CRISPLD2: variants seen among roughly 807,000 people sequenced by gnomAD.
CRISPLD2 encodes cysteine rich secretory protein LCCL domain containing 2, also known as cysteine-rich secretory protein LCCL domain-containing 2.
A neutral mutation model predicts 71.1 loss-of-function variants in CRISPLD2; 47 were observed. The ratio of observed to expected loss-of-function variants is 0.66; its 90% CI spans 0.52 to 0.84. CRISPLD2 has a LOEUF of 0.84. CRISPLD2 is among the 40% of genes least tolerant of loss of function. CRISPLD2 has a pLI of 0.00. For synonymous variants in CRISPLD2, 317 were observed against 250.1 expected, an observed-to-expected ratio of 1.27 and a Z score of -2.52; for missense variants, 830 against 651.1, an observed-to-expected ratio of 1.27 and a Z score of -2.99.
At position 84,849,262 on chromosome 16, in the gene CRISPLD2, C is replaced by T; in HGVS notation, c.360-123C>T. On this transcript the variant is annotated intron_variant, in intron 3 of 14. Transcript: ENST00000262424. ...CCCTCCCGGCTGCCCGTGGCTGCTC[C>T]TGGAATTGGCCGCTATTCACCCTCC... 7.1e-6 allele frequency: 7 copies of T among 982,638 alleles called. No homozygotes were observed. The South Asian group carries it at 1.3e-4, about 18-fold the overall frequency. The allele number at this position is 982,638 out of a possible 1,614,324, so 60.9% of individuals were successfully genotyped here. A position where few individuals can be genotyped will look rare whatever the true frequency, so the allele number is the denominator to read the frequency against.
chr16:84,863,055 C>G (rs9938473), intron 6 of CRISPLD2: 1 of 151,980 alleles, frequency 6.6e-6, no homozygotes, highest in Non-Finnish European at 1.5e-5. Context: ...GACTTCACAG[C>G]CAGACAGTGC....
chr16:84,856,962 G>A (rs1177097105), intron 6 of CRISPLD2, among the ~76,000 whole-genome samples: 2 of 152,234 alleles, frequency 1.3e-5, no homozygotes, highest in African/African-American at 2.4e-5. Context: ...CGCAAAATGG[G>A]TAAACCTGTA....
At chr16:84,894,545 C>T (rs1230008821) in intron 14 of CRISPLD2, among the ~76,000 whole-genome samples, 1 of 152,146 alleles carries the variant, frequency 6.6e-6, no homozygotes, top group African/African-American at 2.4e-5. Context: ...AATCCCTGTC[C>T]TCATAGGGGT....
intron 13 of CRISPLD2, among the ~76,000 whole-genome samples, chr16:84,885,086 A>C (rs1567701185): frequency 6.6e-6 from 1 of 152,228 alleles, no homozygotes; most frequent in Non-Finnish European, 1.5e-5. Context: ...CTCTGGCTCC[A>C]ATCAACCATT....
rs1025784288 is a variant in CRISPLD2 at position 84,895,196 on chromosome 16, A to C, written c.1439+5833A>C. Among the ~76,000 whole-genome samples the C allele has an allele frequency of 2.6e-5, 4 of 152,292 alleles. No homozygotes were observed. The South Asian group carries it at 6.2e-4, about 24-fold the overall frequency. ...TCAGTAAAGGAAGGGAAGCACAGAG[A>C]GGTTAAACGACTTGCCCAAGGTCAC... On this transcript the variant is annotated intron_variant, in intron 14 of 14. Transcript: ENST00000262424.
chr16:84,889,560 T>C (rs1597481506), intron 14 of CRISPLD2, among the ~76,000 whole-genome samples, 197 bp downstream of exon 14: 1 of 149,714 alleles, frequency 6.7e-6, no homozygotes, highest in Non-Finnish European at 1.5e-5. Context: ...GGAATGCTTT[T>C]CCCTACTATC....
intron 3 of CRISPLD2, among the ~76,000 whole-genome samples, chr16:84,847,724 C>G (rs1916954514): frequency 6.6e-6 from 1 of 152,154 alleles, no homozygotes; most frequent in African/African-American, 2.4e-5. Context: ...TTCCACTAGC[C>G]TGGTTCGGCT....
Position 84,883,149 on chromosome 16 carries a change from AGAGGGAAG to A in CRISPLD2, c.1305+2576_1305+2583del, listed in dbSNP as rs993806429. ...AAAAAAATAAAGAATGAAGGAGGGA[AGAGGGAAG>A]GAGGGAAGGAAGAAAGCCACCTCCG... is the stretch of plus-strand genomic sequence containing the variant. On this transcript the variant is annotated intron_variant, in intron 13 of 14. Transcript: ENST00000262424. Among the ~76,000 whole-genome samples, 15 of 152,206 alleles carry A rather than the reference AGAGGGAAG, an allele frequency of 9.9e-5. 1 individual carries two copies. Among genetic ancestry groups the A allele is most frequent in the African/African-American group, 3.4e-4 (14 of 41,456 alleles).
chr16:84,847,438 T>C (rs796456506), intron 3 of CRISPLD2, among the ~76,000 whole-genome samples: 19 of 152,246 alleles, frequency 1.2e-4, no homozygotes, highest in African/African-American at 4.6e-4. Flanking sequence ...GAATACAAGG[T>C]CAGGAGTTCA....
chr16:84,843,350 C>G (rs1597453171), intron 2 of CRISPLD2, among the ~76,000 whole-genome samples: 1 of 152,218 alleles, frequency 6.6e-6, no homozygotes, highest in South Asian at 2.1e-4. Flanking sequence ...AACGTGGCTT[C>G]CTGCTCAACC....
At chr16:84,839,323 G>T (rs116292349) in intron 2 of CRISPLD2, 180 of 256,404 alleles carry the variant, frequency 7.0e-4, no homozygotes, top group African/African-American at 3.9e-3. Flanking sequence ...GAGGCAGAGT[G>T]GGGAGGGGCC....
intron 2 of CRISPLD2, among the ~76,000 whole-genome samples, chr16:84,841,518 G>C (rs1484485644): frequency 6.6e-6 from 1 of 151,752 alleles, no homozygotes; most frequent in Non-Finnish European, 1.5e-5. Context: ...ATAGAGTTTT[G>C]GTATTGCTGA....
At chr16:84,897,439 A>G (rs1004646013) in intron 14 of CRISPLD2, among the ~76,000 whole-genome samples, 1 of 152,192 alleles carries the variant, frequency 6.6e-6, no homozygotes, top group Non-Finnish European at 1.5e-5. Context: ...TCGGTGACAG[A>G]GCAAGACCGT....
At chr16:84,900,386 C>G (rs2071742952) in intron 14 of CRISPLD2, among the ~76,000 whole-genome samples, 1 of 152,022 alleles carries the variant, frequency 6.6e-6, no homozygotes, top group South Asian at 2.1e-4. Flanking sequence ...GAGCGGAGAT[C>G]CTAAAGGAAA....
chr16:84,883,838 T>C (rs1056451890), intron 13 of CRISPLD2, among the ~76,000 whole-genome samples: 4 of 149,796 alleles, frequency 2.7e-5, no homozygotes, highest in African/African-American at 7.3e-5. Context: ...TGGGGTCTTA[T>C]TTAATTTTTT....
chr16:84,849,959 C>T (rs1229100305), intron 4 of CRISPLD2, among the ~76,000 whole-genome samples: 2 of 150,666 alleles, frequency 1.3e-5, no homozygotes, highest in Admixed American at 6.6e-5. Context: ...CTCCTGGGCT[C>T]ATGCAATCCT....
At position 84,860,879 on chromosome 16, in the gene CRISPLD2, A is replaced by T. The variant is rs114653604; in HGVS notation, c.710-6018A>T. 3.3e-3 allele frequency among the ~76,000 whole-genome samples: 502 copies of T among 152,274 alleles called. 6 individuals are homozygous for T. Among genetic ancestry groups the T allele is most frequent in the African/African-American group, 0.012 (481 of 41,556 alleles). ...CTACAGGAGATAAGACTCACTCATG[A>T]TAATCTTAGCAGATTTGAGGCTCAG... On this transcript the variant is annotated intron_variant, in intron 6 of 14. Transcript: ENST00000262424.
Position 84,849,418 on chromosome 16 carries a change from G to C in CRISPLD2, c.393G>C (p.Trp131Cys). The change falls in exon 4 of 15, where the codon TGG becomes TGC. Residue 131 changes from tryptophan (W) to cysteine (C), a missense_variant. Physicochemically the swap from Trp to Cys is radical, Grantham distance 215. Coordinates refer to ENST00000262424, the MANE Select transcript of CRISPLD2 (RefSeq NM_031476.4). ...YRSPGFHVQSWYDEVKDYTYP... is the reference protein window; with the variant it reads ...YRSPGFHVQSCYDEVKDYTYP... ...CTCCGGGGTTCCATGTGCAGTCCTGGTATGACGAGGTGAAGGACTACACCT... is the reference window on the plus strand; with the variant it reads ...CTCCGGGGTTCCATGTGCAGTCCTGCTATGACGAGGTGAAGGACTACACCT... 4 of 1,614,152 alleles carry C rather than the reference G, an allele frequency of 2.5e-6. No individual in the cohort carries two copies. Among genetic ancestry groups the C allele is most frequent in the Non-Finnish European group, 3.4e-6 (4 of 1,180,008 alleles).
rs187741570 is a variant in CRISPLD2, at chr16:84,866,987, C to A, written c.800C>A (p.Pro267Gln). Residue 267 changes from proline (P) to glutamine (Q), a missense_variant, in exon 7 of 15, where the codon CCG (proline) becomes CAG (glutamine). By Grantham distance (76) the Pro-to-Gln change is moderately conservative (BLOSUM62 -1). Transcript: ENST00000262424. The part of the protein sequence containing the change: ...IPEENHVWLQ[P>Q]RVMRPTKPKK... Reference sequence around the variant, plus strand: ...GAAGAAAACCATGTTTGGCTCCAACCGAGGGTGATGAGACCCACCAAGCCC... The same window carrying A: ...GAAGAAAACCATGTTTGGCTCCAACAGAGGGTGATGAGACCCACCAAGCCC... 3 of 1,613,872 alleles carry A rather than the reference C, an allele frequency of 1.9e-6. No individual in the cohort carries two copies. Among genetic ancestry groups the A allele is most frequent in the Non-Finnish European group, 8.5e-7 (1 of 1,179,994 alleles).
Sources: gnomAD v4.1 joint callset for allele counts (sites outside exome capture counted in the v4.1 genomes callset) on GRCh38, gnomAD v4.1.1 for gene constraint, MANE v1.5 for transcripts, NCBI Gene and HGNC (gene_info 2026-07-23, HGNC 2026-07-21) for gene names.